IL1RL1: variants seen among roughly 807,000 people sequenced by gnomAD.
IL1RL1 encodes interleukin 1 receptor like 1.
IL1RL1 carries 32 observed loss-of-function variants against 50.9 expected under a neutral mutation model. The observed-to-expected ratio is 0.63, with a 90% CI of 0.47 to 0.84. The LOEUF is 0.84. Ranked by LOEUF, IL1RL1 falls within the 40% of genes least tolerant of loss-of-function variation. IL1RL1 has a pLI of 0.00. For missense variants in IL1RL1, 773 were observed against 662.9 expected, an observed-to-expected ratio of 1.17 and a Z score of -1.82; for synonymous variants, 275 against 236.0, an observed-to-expected ratio of 1.17 and a Z score of -1.51.
chr2:102,338,692 C>G (rs1176337060), intron 2 of IL1RL1, 145 bp from the exon 3 acceptor site: 1 of 658,234 alleles, frequency 1.5e-6, no homozygotes, highest in Non-Finnish European at 2.6e-6. Context: ...CATAAGAGAT[C>G]TTAACAGTTA....
Position 102,351,538 on chromosome 2 carries a change from G to A in IL1RL1, c.1288G>A (p.Val430Ile). ...YGRDMLPGEDVVTAVETNIRK... is the reference protein window; with the variant it reads ...YGRDMLPGEDIVTAVETNIRK... Reference sequence around the variant, plus strand: ...TGATCTATTTCTTGTATGACTAGATGTAGTCACTGCAGTGGAAACCAACAT... The same window carrying A: ...TGATCTATTTCTTGTATGACTAGATATAGTCACTGCAGTGGAAACCAACAT... The change falls in exon 11 of 11, where the codon GTA (valine) becomes ATA (isoleucine). Residue 430 changes from valine to isoleucine, a missense_variant and splice_region_variant. Val to Ile is a conservative substitution (Grantham distance 29). Coordinates refer to ENST00000233954, the MANE Select transcript of IL1RL1 (RefSeq NM_016232.5). 2 of 1,612,618 alleles carry A rather than the reference G, an allele frequency of 1.2e-6. No individual in the cohort carries two copies. The highest frequency in any genetic ancestry group is 1.7e-6 in the Non-Finnish European group (2 of 1,178,878).
At chr2:102,335,086 A>G in intron 1 of IL1RL1, among the ~76,000 whole-genome samples, 1 of 152,194 alleles carries the variant, frequency 6.6e-6, no homozygotes, top group Non-Finnish European at 1.5e-5. Context: ...CCAGAGAAAC[A>G]AGCGGACACT....
chr2:102,343,580 G>A (rs1677666556), intron 8 of IL1RL1, 165 bp downstream of exon 8: 2 of 1,499,218 alleles, frequency 1.3e-6, no homozygotes, highest in African/African-American at 1.4e-5. Context: ...TTTGTAGACT[G>A]TTCCTGTTTG....
chr2:102,338,048 G>T, intron 1 of IL1RL1, 68 bp from the exon 2 acceptor site: 1 of 372,494 alleles, frequency 2.7e-6, no homozygotes, highest in South Asian at 7.2e-5. Context: ...CTCCTGGGTG[G>T]TGCTGAGAAA....
chr2:102,312,020 A>C (rs1341215746), intron 1 of IL1RL1, among the ~76,000 whole-genome samples: 2 of 52,782 alleles, frequency 3.8e-5, no homozygotes, highest in African/African-American at 2.3e-4. Flanking sequence ...TATTATATAT[A>C]ATATATATTA....
rs75973238 is a variant in IL1RL1 at position 102,347,436 on chromosome 2, G to T, written c.971-509G>T. 5.5e-3 allele frequency among the ~76,000 whole-genome samples: 843 copies of T among 152,308 alleles called. 5 individuals carry two copies. Among genetic ancestry groups the T allele is most frequent in the Non-Finnish European group, 8.9e-3 (606 of 68,028 alleles). ...TCAAGTCTGGACAGAACCTGGCCCT[G>T]ACCAAACTTTCTAATCATATCTTCC... On this transcript the variant is annotated intron_variant, in intron 8 of 10. Coordinates refer to ENST00000233954, the MANE Select transcript of IL1RL1 (RefSeq NM_016232.5).
At chr2:102,341,498 G>A (rs776522336) in intron 5 of IL1RL1, 2 of 266,716 alleles carry the variant, frequency 7.5e-6, no homozygotes, top group Admixed American at 6.1e-5. Flanking sequence ...ATCTACAGAC[G>A]TAGATGTAAT....
chr2:102,320,499 T>G (rs1024225936), intron 1 of IL1RL1, among the ~76,000 whole-genome samples: 2 of 152,196 alleles, frequency 1.3e-5, no homozygotes, highest in African/African-American at 4.8e-5. Context: ...TAGCCCAATA[T>G]GTCTCCTGAA....
Position 102,338,174 on chromosome 2 carries a change from G to C in IL1RL1, c.-91G>C. 1 of 743,704 alleles carries C rather than the reference G, an allele frequency of 1.3e-6. No individual in the cohort carries two copies. Among genetic ancestry groups the C allele is most frequent in the Non-Finnish European group, 2.3e-6 (1 of 427,908 alleles). 46.1% of individuals were successfully genotyped at this position (743,704 alleles called of 1,614,324 possible). A position where few individuals can be genotyped will look rare whatever the true frequency, so the allele number is the denominator to read the frequency against. ...TGAAGAGTATCACCAACTGCCTCATGTGTGGTGACCTTCACTGTCGTATGC... is the reference window on the plus strand; with the variant it reads ...TGAAGAGTATCACCAACTGCCTCATCTGTGGTGACCTTCACTGTCGTATGC... On this transcript the variant is annotated 5_prime_UTR_variant, in exon 2 of 11. An upstream start codon of the reference 5' UTR is lost. Coordinates refer to ENST00000233954, the MANE Select transcript of IL1RL1 (RefSeq NM_016232.5).
chr2:102,320,194 TTG>T (rs2104962811), intron 1 of IL1RL1, among the ~76,000 whole-genome samples: 1 of 152,212 alleles, frequency 6.6e-6, no homozygotes, highest in Admixed American at 6.5e-5. Context: ...CAGCTTTGGT[TTG>T]TGTTTACTCC....
intron 6 of IL1RL1, 86 bp from the exon 7 acceptor site, chr2:102,342,950 A>T: frequency 7.4e-7 from 1 of 1,358,432 alleles, no homozygotes; most frequent in Non-Finnish European, 1.0e-6. Context: ...CTAAGTGTTC[A>T]GTAAGGTTTT....
chr2:102,312,062 A>G (rs1274897634), intron 1 of IL1RL1, among the ~76,000 whole-genome samples: 2 of 79,918 alleles, frequency 2.5e-5, no homozygotes, highest in African/African-American at 1.0e-4. Context: ...AATATATATA[A>G]CATTATTGTT....
At chr2:102,323,246 T>TA (rs1410119519) in intron 1 of IL1RL1, among the ~76,000 whole-genome samples, 12 of 61,694 alleles carry the variant, frequency 1.9e-4, no homozygotes, top group African/African-American at 6.8e-4. Context: ...TTTGTTAGGT[T>TA]TTATATATAT....
At chr2:102,325,966 G>T (rs1179237193) in intron 1 of IL1RL1, among the ~76,000 whole-genome samples, 1 of 152,176 alleles carries the variant, frequency 6.6e-6, no homozygotes, top group Non-Finnish European at 1.5e-5. Flanking sequence ...AATCTAGCAA[G>T]GCAGGCCAAC....
chr2:102,343,825 T>A (rs936748996), intron 8 of IL1RL1: 12 of 1,024,254 alleles, frequency 1.2e-5, no homozygotes, highest in Non-Finnish European at 1.4e-5. Context: ...CTATACCTTT[T>A]TCTGGTCATA....
chr2:102,316,167 G>A (rs544121797), intron 1 of IL1RL1, among the ~76,000 whole-genome samples: 1 of 152,328 alleles, frequency 6.6e-6, no homozygotes, highest in Admixed American at 6.5e-5. Flanking sequence ...TCTTTGGCAT[G>A]TCTCTGCAGT....
chr2:102,342,154 A>C (rs981898834), intron 5 of IL1RL1, 69 bp from the exon 6 acceptor site: 12 of 1,126,756 alleles, frequency 1.1e-5, no homozygotes, highest in Non-Finnish European at 1.6e-5. Flanking sequence ...TAGAAACATG[A>C]AAATACAAGC....
chr2:102,332,536 G>A (rs1677204690), intron 1 of IL1RL1, among the ~76,000 whole-genome samples: 1 of 152,186 alleles, frequency 6.6e-6, no homozygotes, highest in African/African-American at 2.4e-5. Context: ...ATTATGCTAA[G>A]TGAAATAAGG....
At chr2:102,346,642 T>C (rs1028925931) in intron 8 of IL1RL1, among the ~76,000 whole-genome samples, 1 of 152,166 alleles carries the variant, frequency 6.6e-6, no homozygotes, top group Non-Finnish European at 1.5e-5. Flanking sequence ...TGGAAAGGAA[T>C]CCTGTTGAAA....
Sources: gnomAD v4.1 joint callset for allele counts (sites outside exome capture counted in the v4.1 genomes callset) on GRCh38, gnomAD v4.1.1 for gene constraint, MANE v1.5 for transcripts, NCBI Gene and HGNC (gene_info 2026-07-23, HGNC 2026-07-21) for gene names.